The following HEMK2 variants were observed in gnomAD, a reference collection of about 807,000 sequenced individuals.
HEMK2 encodes methyltransferase HEMK2.
the HEMK2 span, among the ~76,000 whole-genome samples, chr21:28,833,182 T>C: frequency 6.6e-6 from 1 of 151,502 alleles, no homozygotes; most frequent in East Asian, 1.9e-4. Context: ...TCCTCTTCTA[T>C]GCAAAAGAAT....
chr21:28,684,119 T>C, the HEMK2 span, among the ~76,000 whole-genome samples: 7 of 152,346 alleles, frequency 4.6e-5, no homozygotes, highest in East Asian at 1.2e-3. Flanking sequence ...CATGCACCTA[T>C]ATGCAGACCA....
At chr21:28,876,222 T>C in the HEMK2 span, 6 of 445,592 alleles carry the variant, frequency 1.3e-5, no homozygotes, top group Non-Finnish European at 2.4e-5. Context: ...CTTGTACTTG[T>C]GCAAATAATT....
chr21:28,754,685 A>G, the HEMK2 span, among the ~76,000 whole-genome samples: 2 of 152,204 alleles, frequency 1.3e-5, no homozygotes, highest in Non-Finnish European at 2.9e-5. Context: ...ATGTAAGGCA[A>G]TGATCTCTCC....
At chr21:28,624,830 T>C in the HEMK2 span, among the ~76,000 whole-genome samples, 1 of 152,130 alleles carries the variant, frequency 6.6e-6, no homozygotes, top group African/African-American at 2.4e-5. Flanking sequence ...TCACACTTAC[T>C]CATGATTCTG....
chr21:28,819,071 C>T, the HEMK2 span, among the ~76,000 whole-genome samples: 8 of 152,220 alleles, frequency 5.3e-5, no homozygotes, highest in East Asian at 1.3e-3. Flanking sequence ...TTAATGTTTT[C>T]GTTACCCTCA....
the HEMK2 span, among the ~76,000 whole-genome samples, chr21:28,782,623 G>A: frequency 6.6e-6 from 1 of 152,122 alleles, no homozygotes; most frequent in Non-Finnish European, 1.5e-5. Context: ...TAATATCCTT[G>A]ATATATAAAG....
chr21:28,587,809 A>G, the HEMK2 span, among the ~76,000 whole-genome samples: 7 of 152,232 alleles, frequency 4.6e-5, no homozygotes, highest in Non-Finnish European at 8.8e-5. Flanking sequence ...GCCCAAATAG[A>G]TAAATAAATG....
the HEMK2 span, among the ~76,000 whole-genome samples, chr21:28,609,536 T>C: frequency 1 from 145,931 of 145,932 alleles, 72,965 homozygotes; most frequent in Non-Finnish European, 1. Flanking sequence ...AGCAATGGAT[T>C]TAAACCAAGA....
the HEMK2 span, among the ~76,000 whole-genome samples, chr21:28,834,571 G>C: frequency 3.3e-5 from 5 of 152,094 alleles, no homozygotes; most frequent in Non-Finnish European, 5.9e-5. Context: ...GAGGAGCAGG[G>C]GATAAAACTA....
At chr21:28,698,702 T>C in the HEMK2 span, among the ~76,000 whole-genome samples, 2 of 152,212 alleles carry the variant, frequency 1.3e-5, no homozygotes, top group African/African-American at 4.8e-5. Flanking sequence ...CCATCTCCTA[T>C]GAACTGTTTG....
At chr21:28,770,275 AC>A in the HEMK2 span, among the ~76,000 whole-genome samples, 2 of 151,988 alleles carry the variant, frequency 1.3e-5, no homozygotes, top group African/African-American at 4.8e-5. Flanking sequence ...GTAGGAAGAA[AC>A]CCTTTCCTTT....
chr21:28,828,382 C>T, the HEMK2 span, among the ~76,000 whole-genome samples: 1 of 152,086 alleles, frequency 6.6e-6, no homozygotes, highest in East Asian at 1.9e-4. Flanking sequence ...TCTAAAGTGA[C>T]CTTGAAGCCC....
the HEMK2 span, among the ~76,000 whole-genome samples, chr21:28,877,965 A>T: frequency 1.5e-4 from 23 of 152,314 alleles, no homozygotes; most frequent in East Asian, 1.9e-3. Context: ...TTAGGTTATA[A>T]ACGGGGAAAA....
chr21:28,866,175 A>AAAAAAAACAC, the HEMK2 span, among the ~76,000 whole-genome samples: 239 of 76,210 alleles, frequency 3.1e-3, 21 homozygotes, highest in African/African-American at 7.0e-3. Flanking sequence ...CAAAAAAAAA[A>AAAAAAAACAC]ACACACACAC....
the HEMK2 span, among the ~76,000 whole-genome samples, chr21:28,727,023 T>A: frequency 6.6e-6 from 1 of 152,182 alleles, no homozygotes; most frequent in East Asian, 1.9e-4. Context: ...AGGGTCCCTT[T>A]GCTTGGGTTT....
chr21:28,758,838 A>G, the HEMK2 span, among the ~76,000 whole-genome samples: 1 of 152,162 alleles, frequency 6.6e-6, no homozygotes, highest in Non-Finnish European at 1.5e-5. Context: ...GGATCTAGAT[A>G]GGCTTTTTAG....
At chr21:28,812,866 G>A in the HEMK2 span, among the ~76,000 whole-genome samples, 1 of 152,186 alleles carries the variant, frequency 6.6e-6, no homozygotes, top group African/African-American at 2.4e-5. Context: ...AGTCTTGGGA[G>A]GGAGTATGTG....
At chr21:28,714,818 T>C in the HEMK2 span, among the ~76,000 whole-genome samples, 2 of 152,126 alleles carry the variant, frequency 1.3e-5, no homozygotes, top group Non-Finnish European at 2.9e-5. Flanking sequence ...TAGTCCCCAG[T>C]GTCAATTGTT....
At chr21:28,759,704 T>C in the HEMK2 span, among the ~76,000 whole-genome samples, 3 of 152,132 alleles carry the variant, frequency 2.0e-5, no homozygotes, top group African/African-American at 7.2e-5. Flanking sequence ...ACTGTTCTAA[T>C]GATAGTGAAT....
Sources: allele counts gnomAD v4.1 joint callset (sites outside exome capture counted in the v4.1 genomes callset), GRCh38; gene constraint gnomAD v4.1.1; transcripts MANE v1.5; gene names NCBI Gene and HGNC (gene_info 2026-07-23, HGNC 2026-07-21).